TXK: variants seen among roughly 807,000 people sequenced by gnomAD.
The protein encoded by TXK is tyrosine-protein kinase TXK.
TXK carries 60 observed loss-of-function variants against 81.0 expected under a neutral mutation model. That is an observed-to-expected ratio of 0.74 (90% CI 0.60 to 0.92). TXK has a LOEUF of 0.92. TXK is among the 40% of genes least tolerant of loss of function. The pLI is 0.00. For missense variants in TXK, 581 were observed against 638.3 expected, an observed-to-expected ratio of 0.91 and a Z score of 0.97; for synonymous variants, 203 against 210.7, an observed-to-expected ratio of 0.96 and a Z score of 0.32.
At chr4:48,070,893 C>CTTT (rs11309334) in intron 14 of TXK, among the ~76,000 whole-genome samples, 80 of 84,292 alleles carry the variant, frequency 9.5e-4, no homozygotes, top group East Asian at 1.6e-3. Context: ...TCATTTAATT[C>CTTT]TTTTTTTTTT....
At chr4:48,083,596 TTC>T (rs1448517939) in intron 10 of TXK, among the ~76,000 whole-genome samples, 1 of 152,230 alleles carries the variant, frequency 6.6e-6, no homozygotes, top group Non-Finnish European at 1.5e-5. Flanking sequence ...AATGTTCTCT[TTC>T]TTACCTATAA....
chr4:48,124,108 CT>C (rs1719025044), intron 1 of TXK, among the ~76,000 whole-genome samples: 1 of 152,204 alleles, frequency 6.6e-6, no homozygotes, highest in African/African-American at 2.4e-5. Flanking sequence ...ATTTAAGTTT[CT>C]CTGTGTAGGC....
chr4:48,066,602 A>AT lies in TXK; in HGVS notation c.*1034dup, dbSNP rs1358612604. On this transcript the variant is annotated 3_prime_UTR_variant, in exon 15 of 15. Coordinates refer to ENST00000264316, the MANE Select transcript of TXK (RefSeq NM_003328.3). ...GCTCCTGTTGTCAGACTTCATGGTGATTACATTAGTGCTTTCTCCAGTATC... is the reference window on the plus strand; with the variant it reads ...GCTCCTGTTGTCAGACTTCATGGTGATTTACATTAGTGCTTTCTCCAGTATC... 1.5e-4 allele frequency: 23 copies of AT among 152,178 alleles called. No homozygotes were observed. Among genetic ancestry groups the AT allele is most frequent in the South Asian group, 6.2e-4 (3 of 4,822 alleles). The allele number at this position is 152,178 out of a possible 1,614,324, so 9.4% of individuals were successfully genotyped here.
At chr4:48,133,130 C>T in intron 1 of TXK, among the ~76,000 whole-genome samples, 1 of 152,038 alleles carries the variant, frequency 6.6e-6, no homozygotes, top group East Asian at 1.9e-4. Flanking sequence ...GACCATGGCC[C>T]ATAGTAGGTG....
intron 1 of TXK, among the ~76,000 whole-genome samples, chr4:48,127,590 T>C (rs1451369839): frequency 6.6e-6 from 1 of 152,208 alleles, no homozygotes; most frequent in East Asian, 1.9e-4. Flanking sequence ...GAAGGAAATG[T>C]GGAAAGAATA....
chr4:48,069,773 T>TCCACTTA (rs1398840683), intron 14 of TXK, among the ~76,000 whole-genome samples: 1 of 152,140 alleles, frequency 6.6e-6, no homozygotes, highest in East Asian at 1.9e-4. Flanking sequence ...ATGTCTCAGT[T>TCCACTTA]CCACTTACAT....
chr4:48,085,895 G>A (rs889933809), intron 10 of TXK, among the ~76,000 whole-genome samples: 3 of 152,132 alleles, frequency 2.0e-5, no homozygotes, highest in Non-Finnish European at 4.4e-5. Context: ...CTTCAAGTCC[G>A]TGTGACCTGA....
chr4:48,113,219 T>C lies in TXK; in HGVS notation c.162A>G (p.Ser54=). 6.2e-7 allele frequency: 1 copy of C among 1,612,986 alleles called. No homozygotes were observed. Among genetic ancestry groups the C allele is most frequent in the Non-Finnish European group, 8.5e-7 (1 of 1,179,200 alleles). The change falls in exon 3 of 15, where the codon TCA becomes TCG. Residue 54 remains serine (S), a synonymous_variant. Coordinates refer to ENST00000264316, the MANE Select transcript of TXK (RefSeq NM_003328.3). ...QRRRPWLSQL[S]NKKQSNTGRV... ...AAATGATACTTACTTGCTTCTTATTTGACAATTGGCTGAGCCACGGCCTGC... is the reference window on the plus strand; with the variant it reads ...AAATGATACTTACTTGCTTCTTATTCGACAATTGGCTGAGCCACGGCCTGC...
chr4:48,089,396 T>C (rs1717664762), intron 9 of TXK: 1 of 160,384 alleles, frequency 6.2e-6, no homozygotes, highest in Admixed American at 6.1e-5. Flanking sequence ...TTTTTTTTTT[T>C]TCCTTTTTTT....
At position 48,067,270 on chromosome 4, in the gene TXK, T is replaced by A. The variant is rs1507924; in HGVS notation, c.*367A>T. 0.85 allele frequency: 174,439 copies of A among 205,412 alleles called. 75,194 individuals are homozygous for A. The highest frequency in any genetic ancestry group is 1 in the East Asian group (7,962 of 7,974). 12.7% of individuals were successfully genotyped at this position (205,412 alleles called of 1,614,324 possible). A position where few individuals can be genotyped will look rare whatever the true frequency, so the allele number is the denominator to read the frequency against. ...GCATGGATCACTGAAGTGATGAATGTCACTCGTCTTCAAGAAGGAAGCACT... is the reference window on the plus strand; with the variant it reads ...GCATGGATCACTGAAGTGATGAATGACACTCGTCTTCAAGAAGGAAGCACT... On this transcript the variant is annotated 3_prime_UTR_variant, in exon 15 of 15. Coordinates refer to ENST00000264316, the MANE Select transcript of TXK (RefSeq NM_003328.3).
intron 10 of TXK, among the ~76,000 whole-genome samples, chr4:48,085,510 G>C (rs566358681): frequency 6.6e-6 from 1 of 152,148 alleles, no homozygotes; most frequent in African/African-American, 2.4e-5. Flanking sequence ...AGGTAGAAGC[G>C]GGCAGTTCCC....
At chr4:48,098,480 A>C (rs6822209) in intron 6 of TXK, among the ~76,000 whole-genome samples, 60,673 of 152,000 alleles carry the variant, frequency 0.4, 12,956 homozygotes, top group East Asian at 0.73. Context: ...AGCAGCGCTA[A>C]GGAGAAAAAC....
chr4:48,126,524 G>A (rs1367546157), intron 1 of TXK, among the ~76,000 whole-genome samples: 1 of 152,112 alleles, frequency 6.6e-6, no homozygotes, highest in Non-Finnish European at 1.5e-5. Context: ...TGTTTGAGAT[G>A]GAGTCTTGCT....
intron 4 of TXK, 78 bp downstream of exon 4, chr4:48,112,229 G>T: frequency 7.4e-7 from 1 of 1,343,102 alleles, no homozygotes; most frequent in Non-Finnish European, 1.1e-6. Context: ...AGAGGGAAGA[G>T]TTATAAGCCT....
Position 48,079,979 on chromosome 4 carries a change from C to A in TXK, c.1106G>T (p.Ser369Ile). Residue 369 changes from serine to isoleucine, a missense_variant, in exon 11 of 15, where the codon AGT becomes ATT. Coordinates refer to ENST00000264316, the MANE Select transcript of TXK (RefSeq NM_003328.3). Reference protein sequence around the residue: ...KGKLRKEMLLSVCQDICEGME... With the variant: ...KGKLRKEMLLIVCQDICEGME... The stretch of plus-strand genomic sequence containing the variant: ...TCCTTCACATATATCCTGGCATACA[C>A]TCAGTAGCATTTCCTTCCTAAGCTT... The A allele has an allele frequency of 1.2e-6, 2 of 1,614,048 alleles. No homozygotes were observed. Among genetic ancestry groups the A allele is most frequent in the Non-Finnish European group, 8.5e-7 (1 of 1,179,978 alleles).
chr4:48,069,333 T>TTA (rs71654888), intron 14 of TXK, among the ~76,000 whole-genome samples: 2 of 140,996 alleles, frequency 1.4e-5, no homozygotes, highest in African/African-American at 5.2e-5. Flanking sequence ...TTTCTTTTTT[T>TTA]TTTTTTTTTT....
chr4:48,114,785 A>G (rs2109475371), intron 1 of TXK, among the ~76,000 whole-genome samples: 1 of 152,350 alleles, frequency 6.6e-6, no homozygotes, highest in South Asian at 2.1e-4. Context: ...TAGATCTGTC[A>G]TATTTTTTTA....
At chr4:48,070,893 CTTT>C (rs11309334) in intron 14 of TXK, among the ~76,000 whole-genome samples, 8 of 84,326 alleles carry the variant, frequency 9.5e-5, no homozygotes, top group Middle Eastern at 8.3e-3. Context: ...TCATTTAATT[CTTT>C]TTTTTTTTTT....
chr4:48,120,416 C>T (rs1167044162), intron 1 of TXK, among the ~76,000 whole-genome samples: 1 of 150,920 alleles, frequency 6.6e-6, no homozygotes, highest in Non-Finnish European at 1.5e-5. Flanking sequence ...CTGTTAAAAA[C>T]AAAACAAACT....
Sources: gnomAD v4.1 joint callset for allele counts (sites outside exome capture counted in the v4.1 genomes callset) on GRCh38, gnomAD v4.1.1 for gene constraint, MANE v1.5 for transcripts, NCBI Gene and HGNC (gene_info 2026-07-23, HGNC 2026-07-21) for gene names.